NCOA7: variants seen among roughly 807,000 people sequenced by gnomAD.
The protein encoded by NCOA7 is 140 kDa estrogen receptor-associated protein.
NCOA7 carries 45 observed loss-of-function variants against 104.3 expected under a neutral mutation model. The ratio of observed to expected loss-of-function variants is 0.43; its 90% CI spans 0.34 to 0.55. NCOA7 has a LOEUF of 0.55. Among genes scored for constraint, NCOA7 ranks in the 20% least tolerant of loss-of-function variants. The pLI is 0.02. For synonymous variants in NCOA7, 398 were observed against 402.3 expected (o/e 0.99, Z 0.13); for missense variants, 1,041 against 1,119.7 (o/e 0.93, Z 1.00).
chr6:125,910,098 T>G (rs1271425611), intron 10 of NCOA7, among the ~76,000 whole-genome samples: 1 of 152,170 alleles, frequency 6.6e-6, no homozygotes, highest in African/African-American at 2.4e-5. Flanking sequence ...GATTACAAAG[T>G]TGTCTTGTTT....
At chr6:125,795,564 G>C (rs538741716) in intron 1 of NCOA7, among the ~76,000 whole-genome samples, 1 of 152,308 alleles carries the variant, frequency 6.6e-6, no homozygotes, top group East Asian at 1.9e-4. Flanking sequence ...GATTCACTCT[G>C]TTCTATTCCC....
Position 125,920,936 on chromosome 6 carries a change from A to G in NCOA7, c.2245-7A>G. ...GTTATTTTTCTTGGCTTGTTTTCTC[A>G]TTTCAGATCATCACTGTTGAAGAGG... On this transcript the variant is annotated splice_polypyrimidine_tract_variant and splice_region_variant and intron_variant, in intron 11 of 15. Transcript: ENST00000392477. The G allele has an allele frequency of 6.2e-7, 1 of 1,611,682 alleles. No homozygotes were observed. Among genetic ancestry groups the G allele is most frequent in the South Asian group, 1.1e-5 (1 of 90,944 alleles).
rs964132947 is a variant in NCOA7, at chr6:125,846,125, C to A, written c.51-8895C>A. On this transcript the variant is annotated intron_variant, in intron 2 of 15. Transcript: ENST00000392477. Reference sequence around the variant, plus strand: ...GAGCTATTAGCCCCAAATTATAGAGCAGTGTTTTGTTGTTGTTCTTGGTTT... The same window carrying A: ...GAGCTATTAGCCCCAAATTATAGAGAAGTGTTTTGTTGTTGTTCTTGGTTT... 3.4e-4 allele frequency among the ~76,000 whole-genome samples: 52 copies of A among 151,970 alleles called. 2 individuals are homozygous for A. Among genetic ancestry groups the A allele is most frequent in the Admixed American group, 3.3e-3 (51 of 15,256 alleles).
At chr6:125,816,875 C>CACCATCAGTCA (rs1359733973) in intron 2 of NCOA7, among the ~76,000 whole-genome samples, 1 of 152,112 alleles carries the variant, frequency 6.6e-6, no homozygotes, top group African/African-American at 2.4e-5. Flanking sequence ...AGTCAAGATA[C>CACCATCAGTCA]AGAACAGTTG....
chr6:125,869,096 GAA>G (rs1782667779), intron 3 of NCOA7, among the ~76,000 whole-genome samples: 1 of 152,180 alleles, frequency 6.6e-6, no homozygotes, highest in African/African-American at 2.4e-5. Flanking sequence ...TATCTAAGTA[GAA>G]ATTATGGAAT....
intron 13 of NCOA7, among the ~76,000 whole-genome samples, chr6:125,923,152 A>G (rs1787737357): frequency 6.6e-6 from 1 of 152,194 alleles, no homozygotes; most frequent in Non-Finnish European, 1.5e-5. Context: ...CACAGCCTAA[A>G]AACTGGAAAG....
At chr6:125,893,703 C>G (rs1437510213) in intron 10 of NCOA7, among the ~76,000 whole-genome samples, 1 of 152,052 alleles carries the variant, frequency 6.6e-6, no homozygotes, top group African/African-American at 2.4e-5. Flanking sequence ...TGTGGCAATT[C>G]TTACTAAGTT....
intron 3 of NCOA7, among the ~76,000 whole-genome samples, chr6:125,870,834 C>G (rs1012902314): frequency 6.6e-6 from 1 of 152,104 alleles, no homozygotes; most frequent in Non-Finnish European, 1.5e-5. Context: ...GACTTATGGA[C>G]AGGGCACCAA....
At position 125,852,416 on chromosome 6, in the gene NCOA7, G is replaced by A. The variant is rs544530478; in HGVS notation, c.51-2604G>A. Among the ~76,000 whole-genome samples the A allele has an allele frequency of 9.9e-5, 15 of 152,188 alleles. No homozygotes were observed. In the South Asian group the frequency reaches 2.9e-3, roughly 29 times the overall value. On this transcript the variant is annotated intron_variant, in intron 2 of 15. Transcript: ENST00000392477. ...TCACCATGTTGATCAGGCTGGTCTC[G>A]AACTCTAGACCTTGTGATCTGCCTG...
chr6:125,828,873 A>G (rs1778896460), intron 2 of NCOA7, among the ~76,000 whole-genome samples: 2 of 152,272 alleles, frequency 1.3e-5, no homozygotes, highest in South Asian at 2.1e-4. Context: ...TCTCATTTTT[A>G]TAGGCAAGGA....
chr6:125,817,222 C>T (rs1238563467), intron 2 of NCOA7, among the ~76,000 whole-genome samples: 1 of 152,218 alleles, frequency 6.6e-6, no homozygotes, highest in Non-Finnish European at 1.5e-5. Context: ...CTAGATGCTA[C>T]AATCATTTAT....
At chr6:125,817,907 T>C (rs988079097) in intron 2 of NCOA7, among the ~76,000 whole-genome samples, 1 of 152,176 alleles carries the variant, frequency 6.6e-6, no homozygotes, top group Non-Finnish European at 1.5e-5. Context: ...CTGTGATCCA[T>C]TTTGAATTTA....
chr6:125,866,564 A>G (rs992549906), intron 3 of NCOA7, among the ~76,000 whole-genome samples: 3 of 152,170 alleles, frequency 2.0e-5, no homozygotes, highest in Non-Finnish European at 2.9e-5. Flanking sequence ...ATCCAGCAGT[A>G]TCTCCATTTT....
intron 10 of NCOA7, among the ~76,000 whole-genome samples, chr6:125,900,818 C>T (rs1191272616): frequency 6.6e-6 from 1 of 151,672 alleles, no homozygotes; most frequent in Non-Finnish European, 1.5e-5. Context: ...TAAAAATGGA[C>T]ATTATACCTG....
At position 125,837,298 on chromosome 6, in the gene NCOA7, A is replaced by G. The variant is rs117462238; in HGVS notation, c.51-17722A>G. Among the ~76,000 whole-genome samples the G allele has an allele frequency of 3.7e-3, 566 of 152,266 alleles. 1 individual carries two copies. Among genetic ancestry groups the G allele is most frequent in the Non-Finnish European group, 5.8e-3 (392 of 68,024 alleles). On this transcript the variant is annotated intron_variant, in intron 2 of 15. Transcript: ENST00000392477. ...TCCACCTTTAAGGCATCTTCAGAAA[A>G]GTACACGTGTGTCACCTGTGTATAA...
At chr6:125,851,902 C>T (rs1454711581) in intron 2 of NCOA7, among the ~76,000 whole-genome samples, 6 of 144,270 alleles carry the variant, frequency 4.2e-5, no homozygotes, top group African/African-American at 5.1e-5. Flanking sequence ...TTTTTTTTTT[C>T]GAGAAATATC....
chr6:125,863,991 T>A lies in NCOA7; in HGVS notation c.271+8751T>A, dbSNP rs1216491516. 1.5e-5 allele frequency among the ~76,000 whole-genome samples: 2 copies of A among 135,212 alleles called. 1 individual carries two copies. The highest frequency in any genetic ancestry group is 4.2e-4 in the East Asian group (2 of 4,746). The allele number at this position is 135,212 out of a possible 152,430, so 88.7% of individuals were successfully genotyped here. A position where few individuals can be genotyped will look rare whatever the true frequency, so the allele number is the denominator to read the frequency against. ...ATTAAAATCTTAGCAAATACATTGA[T>A]GGTTGAAGAGTGATGTGGTCAGGTT... On this transcript the variant is annotated intron_variant, in intron 3 of 15. Coordinates refer to ENST00000392477, the MANE Select transcript of NCOA7 (RefSeq NM_181782.5).
At chr6:125,855,286 A>G (rs757017249) in intron 3 of NCOA7, 46 bp downstream of exon 3, 45 of 1,437,428 alleles carry the variant, frequency 3.1e-5, no homozygotes, top group Middle Eastern at 2.0e-4. Context: ...TAAAAAATCT[A>G]TAAGAATTTT....
chr6:125,792,204 G>A (rs1459976993), intron 1 of NCOA7, among the ~76,000 whole-genome samples: 2 of 152,038 alleles, frequency 1.3e-5, no homozygotes, highest in East Asian at 3.8e-4. Flanking sequence ...TTCTGTAGCC[G>A]GTGAAATTTA....
Sources: gnomAD v4.1 joint callset for allele counts (sites outside exome capture counted in the v4.1 genomes callset) on GRCh38, gnomAD v4.1.1 for gene constraint, MANE v1.5 for transcripts, NCBI Gene and HGNC (gene_info 2026-07-23, HGNC 2026-07-21) for gene names.